FHIT: variants seen among roughly 807,000 people sequenced by gnomAD.
FHIT encodes fragile histidine triad diadenosine triphosphatase.
FHIT carries 19 observed loss-of-function variants against 17.9 expected under a neutral mutation model. The observed-to-expected ratio is 1.06, with a 90% CI of 0.74 to 1.56. FHIT has a LOEUF of 1.56. Among genes scored for constraint, FHIT ranks in the 40% most tolerant of loss-of-function variants. The pLI is 0.00. For missense variants in FHIT, 248 were observed against 189.2 expected, an observed-to-expected ratio of 1.31 and a Z score of -1.82; for synonymous variants, 81 against 69.7, an observed-to-expected ratio of 1.16 and a Z score of -0.81.
intron 4 of FHIT, chr3:60,553,346 G>T (rs1254905412): frequency 5.3e-6 from 5 of 945,196 alleles, no homozygotes; most frequent in Non-Finnish European, 6.3e-6. Flanking sequence ...CTCAAGTGAG[G>T]ACTTGTGTTT....
At chr3:60,778,910 G>A (rs1553725094) in intron 4 of FHIT, among the ~76,000 whole-genome samples, 3 of 152,160 alleles carry the variant, frequency 2.0e-5, no homozygotes, top group South Asian at 2.1e-4. Flanking sequence ...TTCCTGACCT[G>A]TGGTCAGTAA....
At chr3:60,237,597 G>T (rs141922209) in intron 5 of FHIT, among the ~76,000 whole-genome samples, 1 of 152,058 alleles carries the variant, frequency 6.6e-6, no homozygotes, top group Non-Finnish European at 1.5e-5. Flanking sequence ...ACCACAGTGA[G>T]GCAGGCCACC....
intron 2 of FHIT, among the ~76,000 whole-genome samples, chr3:61,065,752 CA>C (rs1185270423): frequency 0.059 from 7,963 of 134,420 alleles, 541 homozygotes; most frequent in African/African-American, 0.17. Flanking sequence ...CCTCCCACCT[CA>C]AAAAAAAAAA....
chr3:60,441,551 T>G (rs749428442), intron 5 of FHIT, among the ~76,000 whole-genome samples: 5 of 151,022 alleles, frequency 3.3e-5, no homozygotes, highest in Admixed American at 6.7e-5. Context: ...TAAAATCACT[T>G]AACACATAGA....
At chr3:60,702,215 T>G (rs1367320095) in intron 4 of FHIT, among the ~76,000 whole-genome samples, 1 of 152,178 alleles carries the variant, frequency 6.6e-6, no homozygotes, top group Non-Finnish European at 1.5e-5. Context: ...TCTGTTTCTC[T>G]TTTTTCTGTT....
At chr3:61,106,474 C>G (rs1157143138) in intron 2 of FHIT, among the ~76,000 whole-genome samples, 2 of 152,126 alleles carry the variant, frequency 1.3e-5, no homozygotes, top group African/African-American at 4.8e-5. Flanking sequence ...CTCCTCCCAG[C>G]CCTTGGCAAC....
At chr3:60,317,982 G>T (rs1709243775) in intron 5 of FHIT, among the ~76,000 whole-genome samples, 1 of 151,824 alleles carries the variant, frequency 6.6e-6, no homozygotes, top group South Asian at 2.1e-4. Flanking sequence ...GGTAGAAACG[G>T]GGTTTTGCCA....
intron 3 of FHIT, among the ~76,000 whole-genome samples, chr3:60,951,983 T>C (rs1368885143): frequency 1.3e-5 from 2 of 152,042 alleles, no homozygotes; most frequent in African/African-American, 4.8e-5. Context: ...CTGGTTAACA[T>C]GGTGAAACCC....
At chr3:60,228,086 G>C (rs1027586578) in intron 5 of FHIT, among the ~76,000 whole-genome samples, 1 of 152,092 alleles carries the variant, frequency 6.6e-6, no homozygotes, top group Non-Finnish European at 1.5e-5. Context: ...TATCACTCCA[G>C]ACTGTCCTTC....
chr3:60,589,583 T>C (rs1201933676), intron 4 of FHIT, among the ~76,000 whole-genome samples: 2 of 152,102 alleles, frequency 1.3e-5, no homozygotes, highest in Non-Finnish European at 2.9e-5. Flanking sequence ...CTCTTCTTCA[T>C]ATGGCTTTGT....
chr3:61,110,847 T>C (rs1250038193), intron 2 of FHIT, among the ~76,000 whole-genome samples: 2 of 152,154 alleles, frequency 1.3e-5, no homozygotes, highest in East Asian at 3.9e-4. Flanking sequence ...TTCTTTACTC[T>C]TGAAAAAAAG....
chr3:60,541,811 C>A (rs1221824806), intron 4 of FHIT, among the ~76,000 whole-genome samples: 2 of 152,184 alleles, frequency 1.3e-5, no homozygotes, highest in East Asian at 3.9e-4. Flanking sequence ...ATGGATCTAA[C>A]ATTGCCAGAA....
intron 4 of FHIT, among the ~76,000 whole-genome samples, chr3:60,571,609 C>T (rs1336036451): frequency 6.6e-6 from 1 of 152,010 alleles, no homozygotes; most frequent in Non-Finnish European, 1.5e-5. Context: ...AAAAGTCGGG[C>T]ATTTCTCTAA....
chr3:59,749,225 G>A lies in FHIT; in HGVS notation c.*360C>T, dbSNP rs914130828. 2 of 229,634 alleles carry A rather than the reference G, an allele frequency of 8.7e-6. No homozygotes were observed. Among genetic ancestry groups the A allele is most frequent in the Middle Eastern group, 1.3e-3 (1 of 794 alleles). 14.2% of individuals were successfully genotyped at this position (229,634 alleles called of 1,614,324 possible). A position where few individuals can be genotyped will look rare whatever the true frequency, so the allele number is the denominator to read the frequency against. On this transcript the variant is annotated 3_prime_UTR_variant, in exon 10 of 10. Transcript: ENST00000492590. ...AAATAAGCAGGTGGACCAATCCAAC[G>A]ATTGAATTTCCTTTAAAAAAGTAAC...
At chr3:59,789,404 C>A (rs951496026) in intron 8 of FHIT, among the ~76,000 whole-genome samples, 11 of 152,180 alleles carry the variant, frequency 7.2e-5, no homozygotes, top group African/African-American at 2.7e-4. Flanking sequence ...CTCATTTAAT[C>A]ATTTAGTTGA....
chr3:60,553,534 G>GAAA (rs1559534671), intron 4 of FHIT: 7 of 157,618 alleles, frequency 4.4e-5, no homozygotes, highest in African/African-American at 1.6e-4. Flanking sequence ...GAGAGAGAGA[G>GAAA]GGAGAGAGAG....
chr3:60,536,802 G>C, intron 5 of FHIT, 58 bp downstream of exon 5: 2 of 1,523,322 alleles, frequency 1.3e-6, no homozygotes. Flanking sequence ...TATTCATTTG[G>C]CTGGTTAGGC....
chr3:61,122,249 T>C (rs910794377), intron 2 of FHIT, among the ~76,000 whole-genome samples: 1 of 152,048 alleles, frequency 6.6e-6, no homozygotes, highest in African/African-American at 2.4e-5. Flanking sequence ...AAACAAGCAA[T>C]GGGGAAAGGA....
At chr3:59,943,145 C>G (rs1332770631) in intron 7 of FHIT, among the ~76,000 whole-genome samples, 2 of 152,150 alleles carry the variant, frequency 1.3e-5, no homozygotes, top group Non-Finnish European at 2.9e-5. Context: ...CGAGATCTTA[C>G]ACCTGACAAT....
Sources: gnomAD v4.1 joint callset for allele counts (sites outside exome capture counted in the v4.1 genomes callset) on GRCh38, gnomAD v4.1.1 for gene constraint, MANE v1.5 for transcripts, NCBI Gene and HGNC (gene_info 2026-07-23, HGNC 2026-07-21) for gene names.